Variants in TET2 observed in about 807,000 individuals in gnomAD.
The protein encoded by TET2 is tet methylcytosine dioxygenase 2.
Under a neutral mutation model 142.9 loss-of-function variants are expected in TET2, and 299 were observed. That is an observed-to-expected ratio of 2.09 (90% CI 1.90 to 2.30). The LOEUF (loss-of-function observed/expected upper bound fraction) is 2.30, where lower values mean the gene tolerates loss of function less well. Among genes scored for constraint, TET2 ranks in the 30% most tolerant of loss-of-function variants. The pLI is 0.00. For synonymous variants in TET2, 819 were observed against 849.0 expected (o/e 0.96, Z 0.61); for missense variants, 2,418 against 2,378.0 (o/e 1.02, Z -0.35).
At chr4:105,228,099 A>G (rs985507388) in intron 2 of TET2, among the ~76,000 whole-genome samples, 2 of 152,176 alleles carry the variant, frequency 1.3e-5, no homozygotes, top group African/African-American at 2.4e-5. Flanking sequence ...TAAGAGCTTG[A>G]AAGAGTACTG....
At chr4:105,223,533 A>G (rs1370622415) in intron 2 of TET2, among the ~76,000 whole-genome samples, 1 of 152,180 alleles carries the variant, frequency 6.6e-6, no homozygotes, top group Non-Finnish European at 1.5e-5. Context: ...GATACAGAAG[A>G]TAAGAATTTA....
At chr4:105,245,458 A>G (rs1321306947) in intron 6 of TET2, among the ~76,000 whole-genome samples, 5 of 151,754 alleles carry the variant, frequency 3.3e-5, no homozygotes, top group Admixed American at 3.3e-4. Flanking sequence ...AGCCTCCCGA[A>G]TAGCTGGGAT....
chr4:105,158,260 C>G (rs558250629), intron 1 of TET2, among the ~76,000 whole-genome samples: 5 of 151,698 alleles, frequency 3.3e-5, no homozygotes, highest in African/African-American at 1.2e-4. Context: ...ATTTTTTTTG[C>G]ATTGTTATAA....
chr4:105,154,896 A>G (rs371682787), intron 1 of TET2, among the ~76,000 whole-genome samples: 1 of 152,100 alleles, frequency 6.6e-6, no homozygotes, highest in Non-Finnish European at 1.5e-5. Flanking sequence ...GTGGTGGCAC[A>G]TCCCTGTAGT....
intron 1 of TET2, among the ~76,000 whole-genome samples, chr4:105,187,868 C>T (rs755589241): frequency 9.9e-5 from 15 of 152,174 alleles, no homozygotes; most frequent in Non-Finnish European, 1.8e-4. Flanking sequence ...GGTGTTAGTG[C>T]GGATATGGAA....
At chr4:105,206,404 GTGACCTACTGT>G in intron 2 of TET2, among the ~76,000 whole-genome samples, 1 of 152,374 alleles carries the variant, frequency 6.6e-6, no homozygotes, top group East Asian at 1.9e-4. Flanking sequence ...AACTCAGACA[GTGACCTACTGT>G]TGAGTTTCTG....
chr4:105,237,806 T>C, intron 3 of TET2: 1 of 1,116,264 alleles, frequency 9.0e-7, no homozygotes, highest in South Asian at 3.1e-5. Context: ...TTCTGGCTAA[T>C]AGGGAAATTA....
intron 1 of TET2, among the ~76,000 whole-genome samples, chr4:105,148,050 TCATACA>T (rs1276929833): frequency 6.6e-6 from 1 of 151,702 alleles, no homozygotes; most frequent in Non-Finnish European, 1.5e-5. Flanking sequence ...TCTCTCTCTC[TCATACA>T]CATACACACA....
chr4:105,272,765 A>G lies in TET2; in HGVS notation c.4384A>G (p.Lys1462Glu). The change falls in exon 10 of 11, where the codon AAG becomes GAG. Residue 1462 changes from lysine to glutamate, a missense_variant. By Grantham distance (56) the Lys-to-Glu change is moderately conservative (BLOSUM62 1). Coordinates refer to ENST00000380013, the MANE Select transcript of TET2 (RefSeq NM_001127208.3). ...AGTCAGGATGTTAGCAGAGCCAGTC[A>G]AGACTTGCCGACAAAGGAAACTAGA... is the stretch of plus-strand genomic sequence containing the variant. Reference protein sequence around the residue: ...RKVRMLAEPVKTCRQRKLEAK... With the variant: ...RKVRMLAEPVETCRQRKLEAK... 2 of 1,551,720 alleles carry G rather than the reference A, an allele frequency of 1.3e-6. No individual in the cohort carries two copies. Among genetic ancestry groups the G allele is most frequent in the Non-Finnish European group, 1.7e-6 (2 of 1,146,984 alleles).
intron 9 of TET2, among the ~76,000 whole-genome samples, chr4:105,270,945 T>C (rs1730924375): frequency 6.6e-6 from 1 of 152,088 alleles, no homozygotes; most frequent in Non-Finnish European, 1.5e-5. Flanking sequence ...GCTGAAGTAA[T>C]TTGAAGAAGC....
intron 1 of TET2, chr4:105,172,595 A>G (rs1578556913): frequency 6.6e-6 from 1 of 152,220 alleles, no homozygotes. Context: ...TTTAAGGTCA[A>G]CGGTATTTGT....
At chr4:105,262,154 A>G (rs1292661946) in intron 8 of TET2, among the ~76,000 whole-genome samples, 1 of 152,216 alleles carries the variant, frequency 6.6e-6, no homozygotes, top group Non-Finnish European at 1.5e-5. Context: ...CATCAAAATT[A>G]TGTGGCCCAA....
chr4:105,273,613 G>A (rs978940196), intron 10 of TET2, among the ~76,000 whole-genome samples: 1 of 152,128 alleles, frequency 6.6e-6, no homozygotes, highest in Non-Finnish European at 1.5e-5. Flanking sequence ...AAAGTTTAAA[G>A]ATGACCCCAA....
At chr4:105,243,002 G>T in intron 5 of TET2, 75 bp downstream of exon 5, 1 of 1,226,532 alleles carries the variant, frequency 8.2e-7, no homozygotes, top group Non-Finnish European at 1.2e-6. Context: ...CTGAGAATTG[G>T]GTTACCCAGA....
chr4:105,147,937 G>C (rs536328388), intron 1 of TET2: 2 of 152,346 alleles, frequency 1.3e-5, no homozygotes, highest in South Asian at 2.1e-4. Flanking sequence ...GCAAAGAAGT[G>C]AAGAGCAGAT....
chr4:105,258,762 T>G (rs892848305), intron 6 of TET2, among the ~76,000 whole-genome samples: 2 of 152,178 alleles, frequency 1.3e-5, no homozygotes, highest in Non-Finnish European at 2.9e-5. Context: ...TAATTTACAG[T>G]GCTACCTGAA....
intron 1 of TET2, chr4:105,147,799 GGTAA>G (rs1265021138): frequency 6.7e-6 from 1 of 150,148 alleles, no homozygotes; most frequent in Non-Finnish European, 1.5e-5. Context: ...TTGGTTCCTT[GGTAA>G]GTGACAGGCA....
At chr4:105,201,213 AT>A (rs1374117201) in intron 2 of TET2, among the ~76,000 whole-genome samples, 1 of 152,142 alleles carries the variant, frequency 6.6e-6, no homozygotes, top group African/African-American at 2.4e-5. Flanking sequence ...TACTTGATAC[AT>A]TTTTTAAAGC....
chr4:105,235,185 G>T lies in TET2; in HGVS notation c.1243G>T (p.Val415Phe). The change falls in exon 3 of 11, where the codon GTT becomes TTT. Residue 415 changes from valine to phenylalanine, a missense_variant. Val to Phe is a conservative substitution (Grantham distance 50, BLOSUM62 -1). Coordinates refer to ENST00000380013, the MANE Select transcript of TET2 (RefSeq NM_001127208.3). ...LLSPPPPLPQVPQLPSEGKST... is the reference protein window; with the variant it reads ...LLSPPPPLPQFPQLPSEGKST... ...TTCTCCCCCTCCTCCTCTTCCACAG[G>T]TTCCTCAGCTTCCTTCAGAAGGAAA... 2.5e-6 allele frequency: 4 copies of T among 1,613,936 alleles called. No homozygotes were observed. Among genetic ancestry groups the T allele is most frequent in the South Asian group, 2.2e-5 (2 of 91,062 alleles).
Sources: gnomAD v4.1 joint callset for allele counts (sites outside exome capture counted in the v4.1 genomes callset) on GRCh38, gnomAD v4.1.1 for gene constraint, MANE v1.5 for transcripts, NCBI Gene and HGNC (gene_info 2026-07-23, HGNC 2026-07-21) for gene names.